Variants in PLEKHA5 observed in about 807,000 individuals in gnomAD.
PLEKHA5 encodes pleckstrin homology domain containing A5.
Under a neutral mutation model 181.9 loss-of-function variants are expected in PLEKHA5, and 55 were observed. The observed-to-expected ratio is 0.30, with a 90% CI of 0.24 to 0.38. PLEKHA5 has a LOEUF of 0.38. Among genes scored for constraint, PLEKHA5 ranks in the 10% least tolerant of loss-of-function variants. PLEKHA5 has a pLI of 1.00. For missense variants in PLEKHA5, 1,432 were observed against 1,549.5 expected, an observed-to-expected ratio of 0.92 and a Z score of 1.27; for synonymous variants, 535 against 529.4, an observed-to-expected ratio of 1.01 and a Z score of -0.15.
intron 13 of PLEKHA5, among the ~76,000 whole-genome samples, chr12:19,289,238 C>A (rs1470112124): frequency 6.6e-6 from 1 of 152,230 alleles, no homozygotes; most frequent in Admixed American, 6.5e-5. Flanking sequence ...ACTGTTGTCT[C>A]ACCTGTGGAT....
At chr12:19,329,867 A>G (rs2092673732) in intron 20 of PLEKHA5, among the ~76,000 whole-genome samples, 1 of 151,936 alleles carries the variant, frequency 6.6e-6, no homozygotes, top group Non-Finnish European at 1.5e-5. Context: ...ACTTGAGCCC[A>G]GGAGTTTGGG....
chr12:19,223,902 T>C (rs1377330082), intron 3 of PLEKHA5, among the ~76,000 whole-genome samples: 1 of 152,182 alleles, frequency 6.6e-6, no homozygotes, highest in Non-Finnish European at 1.5e-5. Flanking sequence ...TTCTTATTTA[T>C]GTAAAGACTA....
rs1165577567 is a variant in PLEKHA5, at chr12:19,305,922, T to C, written c.2038-8892T>C. ...CTGGGCGCGGTGGCTCTACTAAAAA[T>C]ACAAAAAATTGGCTGGACTTGGTGG... is the stretch of plus-strand genomic sequence containing the variant. On this transcript the variant is annotated intron_variant, in intron 15 of 31. Transcript: ENST00000429027. 5.7e-5 allele frequency among the ~76,000 whole-genome samples: 4 copies of C among 70,686 alleles called. No individual in the cohort carries two copies. In the East Asian group the frequency reaches 1.3e-3, roughly 22 times the overall value. The allele number at this position is 70,686 out of a possible 152,430, so 46.4% of individuals were successfully genotyped here.
rs559229393 is a variant in PLEKHA5, at chr12:19,257,564, A to G, written c.537+27A>G. ...TATTTTTTTTTTTTTGATATGAAACAAAAGACAGAATTAGAAGGAACCTTT... is the reference window on the plus strand; with the variant it reads ...TATTTTTTTTTTTTTGATATGAAACGAAAGACAGAATTAGAAGGAACCTTT... On this transcript the variant is annotated intron_variant, in intron 6 of 31. Transcript: ENST00000429027. The G allele has an allele frequency of 7.1e-6, 8 of 1,134,534 alleles. No individual in the cohort carries two copies. The South Asian group carries it at 9.2e-5, about 13-fold the overall frequency. The allele number at this position is 1,134,534 out of a possible 1,614,324, so 70.3% of individuals were successfully genotyped here.
intron 12 of PLEKHA5, among the ~76,000 whole-genome samples, chr12:19,286,824 G>T (rs570526122): frequency 1.3e-5 from 2 of 152,082 alleles, no homozygotes; most frequent in South Asian, 4.2e-4. Flanking sequence ...AAATTAGTCA[G>T]ACGTGGTGGC....
intron 13 of PLEKHA5, among the ~76,000 whole-genome samples, chr12:19,289,352 C>T (rs1353139064): frequency 6.6e-6 from 1 of 152,138 alleles, no homozygotes; most frequent in Non-Finnish European, 1.5e-5. Context: ...AAAATGATTT[C>T]TGTTTTTGAA....
At chr12:19,285,677 A>G (rs991794540) in intron 12 of PLEKHA5, among the ~76,000 whole-genome samples, 2 of 152,232 alleles carry the variant, frequency 1.3e-5, no homozygotes, top group African/African-American at 4.8e-5. Flanking sequence ...GCTAGTGGTC[A>G]TTGTAGCCCT....
At chr12:19,329,856 T>G (rs1006487005) in intron 20 of PLEKHA5, among the ~76,000 whole-genome samples, 1 of 151,750 alleles carries the variant, frequency 6.6e-6, no homozygotes, top group African/African-American at 2.4e-5. Flanking sequence ...GTAGGCAGAT[T>G]ACTTGAGCCC....
intron 8 of PLEKHA5, among the ~76,000 whole-genome samples, chr12:19,268,482 G>C (rs1006338282): frequency 6.6e-6 from 1 of 152,162 alleles, no homozygotes; most frequent in Admixed American, 6.5e-5. Flanking sequence ...AGTAATTGCT[G>C]TTTCACTTTC....
At chr12:19,149,830 C>T (rs1307160418) in intron 3 of PLEKHA5, 1 of 152,180 alleles carries the variant, frequency 6.6e-6, no homozygotes, top group Non-Finnish European at 1.5e-5. Flanking sequence ...CTAAGGGTCT[C>T]TTGAGGCCTA....
intron 3 of PLEKHA5, among the ~76,000 whole-genome samples, chr12:19,226,653 A>T (rs1047611322): frequency 6.6e-5 from 10 of 152,204 alleles, no homozygotes; most frequent in African/African-American, 1.7e-4. Flanking sequence ...ACACTAGCAT[A>T]TATTGTTATG....
At chr12:19,243,744 A>G (rs1305164781) in intron 3 of PLEKHA5, among the ~76,000 whole-genome samples, 2 of 152,182 alleles carry the variant, frequency 1.3e-5, no homozygotes, top group African/African-American at 4.8e-5. Flanking sequence ...TGGGGAAAGG[A>G]AATATATACT....
chr12:19,320,741 T>G (rs2153037815), intron 18 of PLEKHA5, 117 bp downstream of exon 18: 1 of 533,236 alleles, frequency 1.9e-6, no homozygotes. Context: ...TGACATCAGG[T>G]AAATTCATAT....
chr12:19,184,022 G>C (rs1806614159), intron 3 of PLEKHA5, among the ~76,000 whole-genome samples: 1 of 152,094 alleles, frequency 6.6e-6, no homozygotes, highest in Non-Finnish European at 1.5e-5. Flanking sequence ...GTCTTATAAG[G>C]AAAAATTTGT....
intron 3 of PLEKHA5, among the ~76,000 whole-genome samples, chr12:19,244,978 TA>T (rs899332405): frequency 6.6e-6 from 1 of 151,174 alleles, no homozygotes; most frequent in African/African-American, 2.4e-5. Flanking sequence ...AATAGAGATT[TA>T]AAAAAAAACC....
intron 8 of PLEKHA5, among the ~76,000 whole-genome samples, chr12:19,269,386 C>CAA (rs34976369): frequency 2.3e-4 from 29 of 127,226 alleles, no homozygotes; most frequent in Admixed American, 3.2e-4. Context: ...GACTCTGTCT[C>CAA]AAAAAAAAGA....
intron 3 of PLEKHA5, among the ~76,000 whole-genome samples, chr12:19,240,929 C>T (rs944023256): frequency 1.3e-5 from 2 of 152,084 alleles, no homozygotes; most frequent in African/African-American, 4.8e-5. Flanking sequence ...TTCTTTTTAA[C>T]CCGCTAAAAT....
chr12:19,220,013 T>C (rs2058677812), intron 3 of PLEKHA5, among the ~76,000 whole-genome samples: 1 of 152,164 alleles, frequency 6.6e-6, no homozygotes, highest in South Asian at 2.1e-4. Context: ...CAATGTTATG[T>C]AATTACAAAA....
chr12:19,313,513 G>A (rs1215709138), intron 15 of PLEKHA5, among the ~76,000 whole-genome samples: 1 of 152,126 alleles, frequency 6.6e-6, no homozygotes, highest in Non-Finnish European at 1.5e-5. Flanking sequence ...GAAACATTCT[G>A]TATGTTTTGA....
Sources: allele counts gnomAD v4.1 joint callset (sites outside exome capture counted in the v4.1 genomes callset), GRCh38; gene constraint gnomAD v4.1.1; transcripts MANE v1.5; gene names NCBI Gene and HGNC (gene_info 2026-07-23, HGNC 2026-07-21).